KCNJ3: variants seen among roughly 807,000 people sequenced by gnomAD.
KCNJ3 encodes potassium inwardly rectifying channel subfamily J member 3.
KCNJ3 carries 4 observed loss-of-function variants against 39.2 expected under a neutral mutation model. That is an observed-to-expected ratio of 0.10 (90% confidence interval 0.05 to 0.23). KCNJ3 has a LOEUF of 0.23. Among genes scored for constraint, KCNJ3 ranks in the 10% least tolerant of loss-of-function variants. The pLI, the probability that KCNJ3 is intolerant of heterozygous loss-of-function variation, is 1.00. For missense variants in KCNJ3, 276 were observed against 634.9 expected, an observed-to-expected ratio of 0.43 and a Z score of 6.08; for synonymous variants, 230 against 237.4, an observed-to-expected ratio of 0.97 and a Z score of 0.29.
chr2:154,739,969 G>A (rs192166017), intron 2 of KCNJ3, among the ~76,000 whole-genome samples: 14 of 152,150 alleles, frequency 9.2e-5, no homozygotes, highest in Non-Finnish European at 1.8e-4. Flanking sequence ...GAAACGAGAA[G>A]CAGTGGGGTA....
At chr2:154,766,222 T>G (rs1041727929) in intron 2 of KCNJ3, among the ~76,000 whole-genome samples, 11 of 152,200 alleles carry the variant, frequency 7.2e-5, no homozygotes, top group Non-Finnish European at 1.6e-4. Flanking sequence ...AAGTTCAGAA[T>G]CTCTGCATTA....
intron 2 of KCNJ3, among the ~76,000 whole-genome samples, chr2:154,735,069 C>CTGTGTGTG (rs10632638): frequency 0.012 from 1,768 of 145,876 alleles, 18 homozygotes; most frequent in South Asian, 0.028. Flanking sequence ...CCTTGTAGGC[C>CTGTGTGTG]TGTGTGTGTG....
chr2:154,774,760 T>C (rs566171257), intron 2 of KCNJ3, among the ~76,000 whole-genome samples: 3 of 152,328 alleles, frequency 2.0e-5, no homozygotes, highest in Non-Finnish European at 2.9e-5. Flanking sequence ...ATAAGCCCTT[T>C]AGGATGTTAC....
intron 2 of KCNJ3, among the ~76,000 whole-genome samples, chr2:154,758,796 GATCTCCATACTGGAT>G (rs1456782321): frequency 6.6e-6 from 1 of 152,156 alleles, no homozygotes; most frequent in Admixed American, 6.5e-5. Flanking sequence ...ATCAAATGCT[GATCTCCATACTGGAT>G]TAAACATTAA....
At chr2:154,758,359 T>A (rs1213310151) in intron 2 of KCNJ3, among the ~76,000 whole-genome samples, 1 of 152,140 alleles carries the variant, frequency 6.6e-6, no homozygotes, top group East Asian at 1.9e-4. Flanking sequence ...CTGTAAGGGA[T>A]TGCTATGAGG....
chr2:154,743,982 ATTCT>A (rs1685695679), intron 2 of KCNJ3, among the ~76,000 whole-genome samples: 1 of 151,584 alleles, frequency 6.6e-6, no homozygotes, highest in African/African-American at 2.4e-5. Flanking sequence ...TTCTGTAGAC[ATTCT>A]TTATAAAGTT....
intron 2 of KCNJ3, among the ~76,000 whole-genome samples, chr2:154,750,636 T>C (rs7574878): frequency 1.3e-5 from 2 of 151,712 alleles, no homozygotes; most frequent in African/African-American, 4.8e-5. Flanking sequence ...TGATTTATTA[T>C]CGTAGCTGCT....
At chr2:154,708,268 T>C (rs1215944187) in intron 1 of KCNJ3, among the ~76,000 whole-genome samples, 1 of 152,160 alleles carries the variant, frequency 6.6e-6, no homozygotes, top group Non-Finnish European at 1.5e-5. Flanking sequence ...TTTGCAACAA[T>C]TGCTGCCATA....
intron 2 of KCNJ3, among the ~76,000 whole-genome samples, chr2:154,790,122 G>A (rs1458980420): frequency 1.3e-5 from 2 of 151,858 alleles, no homozygotes; most frequent in Admixed American, 6.6e-5. Flanking sequence ...ACAGATAAAC[G>A]ACAGAGAGAA....
intron 2 of KCNJ3, among the ~76,000 whole-genome samples, chr2:154,711,448 G>A (rs1685100886): frequency 6.6e-6 from 1 of 151,960 alleles, no homozygotes; most frequent in Non-Finnish European, 1.5e-5. Flanking sequence ...TCACTTGACA[G>A]CCTTAAAAAT....
At chr2:154,714,215 C>G (rs115308601) in intron 2 of KCNJ3, among the ~76,000 whole-genome samples, 2,660 of 152,202 alleles carry the variant, frequency 0.017, 70 homozygotes, top group African/African-American at 0.061. Flanking sequence ...TGACTCCTTT[C>G]TATTTGCTCT....
At chr2:154,711,682 T>C (rs1005257006) in intron 2 of KCNJ3, among the ~76,000 whole-genome samples, 1 of 152,152 alleles carries the variant, frequency 6.6e-6, no homozygotes. Flanking sequence ...TTTGGAAATG[T>C]CTGCAGTATC....
At chr2:154,847,917 A>G (rs185830529) in intron 2 of KCNJ3, among the ~76,000 whole-genome samples, 6 of 152,284 alleles carry the variant, frequency 3.9e-5, no homozygotes, top group Admixed American at 3.3e-4. Context: ...TCTAGGGCTG[A>G]TATGACTTAC....
intron 2 of KCNJ3, among the ~76,000 whole-genome samples, chr2:154,722,923 A>T (rs1035276638): frequency 6.6e-6 from 1 of 152,260 alleles, no homozygotes; most frequent in South Asian, 2.1e-4. Flanking sequence ...ATAAAGTTTC[A>T]TGCTTGAAGA....
intron 2 of KCNJ3, among the ~76,000 whole-genome samples, chr2:154,738,826 A>G (rs1358372419): frequency 6.6e-6 from 1 of 151,938 alleles, no homozygotes; most frequent in Non-Finnish European, 1.5e-5. Flanking sequence ...TTTTTTTCAC[A>G]CATACAAAAT....
In KCNJ3 at chr2:154,857,899, A is replaced by C. The variant is rs1687868334; in HGVS notation, c.*2586A>C. On this transcript the variant is annotated 3_prime_UTR_variant, in exon 3 of 3. Transcript: ENST00000295101. ...CCATCTCAACATCAAAAAAAAAAAA[A>C]AAAAAAAAAAAAAAAAAAAAAAAAA... The C allele has an allele frequency of 8.2e-5, 4 of 48,584 alleles. No individual in the cohort carries two copies. The highest frequency in any genetic ancestry group is 1.9e-4 in the Non-Finnish European group (4 of 21,534). 3.0% of individuals were successfully genotyped at this position (48,584 alleles called of 1,614,324 possible).
intron 2 of KCNJ3, among the ~76,000 whole-genome samples, chr2:154,792,404 T>G (rs1483526447): frequency 6.6e-6 from 1 of 152,086 alleles, no homozygotes; most frequent in African/African-American, 2.4e-5. Context: ...GCTTGGGGAA[T>G]CAGCACTAAC....
rs1687818826 is a variant in KCNJ3, at chr2:154,855,352, G to GTAAT, written c.*40_*43dup. The stretch of plus-strand genomic sequence containing the variant: ...TAGGCATTATTTAATGTTTGATTTA[G>GTAAT]TAATAGTCCAATATTTGGCGATGAG... On this transcript the variant is annotated 3_prime_UTR_variant, in exon 3 of 3. Transcript: ENST00000295101. The GTAAT allele has an allele frequency of 2.2e-6, 3 of 1,342,490 alleles. No homozygotes were observed. Among genetic ancestry groups the GTAAT allele is most frequent in the Middle Eastern group, 1.9e-4 (1 of 5,378 alleles). 83.2% of individuals were successfully genotyped at this position (1,342,490 alleles called of 1,614,324 possible). A position where few individuals can be genotyped will look rare whatever the true frequency, so the allele number is the denominator to read the frequency against.
chr2:154,731,481 A>T (rs573584114), intron 2 of KCNJ3, among the ~76,000 whole-genome samples: 136 of 151,034 alleles, frequency 9.0e-4, no homozygotes, highest in Admixed American at 3.3e-3. Flanking sequence ...TTCAAGGAAA[A>T]TTTTTTTTTC....
Sources: allele counts gnomAD v4.1 joint callset (sites outside exome capture counted in the v4.1 genomes callset), GRCh38; gene constraint gnomAD v4.1.1; transcripts MANE v1.5; gene names NCBI Gene and HGNC (gene_info 2026-07-23, HGNC 2026-07-21).